The following TEAD1 variants were observed in gnomAD, a reference collection of about 807,000 sequenced individuals.
TEAD1 encodes transcriptional enhancer factor TEF-1.
In TEAD1, 9 loss-of-function variants were observed where a neutral mutation model predicts 54.9. The ratio of observed to expected loss-of-function variants is 0.16; its 90% CI spans 0.10 to 0.29. The LOEUF (loss-of-function observed/expected upper bound fraction) is 0.29, where lower values mean the gene tolerates loss of function less well. Ranked by LOEUF, TEAD1 falls within the 10% of genes least tolerant of loss-of-function variation. TEAD1 has a pLI of 1.00. For synonymous variants in TEAD1, 200 were observed against 187.8 expected (o/e 1.07, Z -0.53); for missense variants, 387 against 535.9 (o/e 0.72, Z 2.74).
At chr11:12,802,150 C>T (rs540024069) in intron 3 of TEAD1, among the ~76,000 whole-genome samples, 23 of 152,180 alleles carry the variant, frequency 1.5e-4, no homozygotes, top group African/African-American at 5.5e-4. Flanking sequence ...CCATTCAGAA[C>T]AGAGCATTTC....
intron 2 of TEAD1, among the ~76,000 whole-genome samples, chr11:12,747,934 G>A (rs954755134): frequency 6.6e-6 from 1 of 151,534 alleles, no homozygotes; most frequent in Admixed American, 6.6e-5. Flanking sequence ...TCTGCCATAT[G>A]GATTCTCCAG....
chr11:12,829,046 G>T (rs1011131716), intron 3 of TEAD1, among the ~76,000 whole-genome samples: 3 of 152,022 alleles, frequency 2.0e-5, no homozygotes, highest in Admixed American at 6.5e-5. Flanking sequence ...TGTGGTTTTA[G>T]CCCCCTCGCC....
intron 10 of TEAD1, among the ~76,000 whole-genome samples, chr11:12,918,107 T>C (rs1948746788): frequency 6.6e-6 from 1 of 152,152 alleles, no homozygotes; most frequent in Non-Finnish European, 1.5e-5. Context: ...CTACATGAAA[T>C]AGGTTTGCTT....
chr11:12,758,940 C>T (rs1945046378), intron 2 of TEAD1, among the ~76,000 whole-genome samples: 1 of 152,152 alleles, frequency 6.6e-6, no homozygotes, highest in Non-Finnish European at 1.5e-5. Context: ...GCTACAGGTG[C>T]TGTGTGGTCC....
chr11:12,835,676 C>T (rs372860399), intron 3 of TEAD1, among the ~76,000 whole-genome samples: 2 of 151,142 alleles, frequency 1.3e-5, no homozygotes, highest in African/African-American at 2.4e-5. Flanking sequence ...TTCTTTCTAA[C>T]ATATGGCTGG....
At chr11:12,737,100 A>T (rs2133887149) in intron 2 of TEAD1, among the ~76,000 whole-genome samples, 1 of 152,248 alleles carries the variant, frequency 6.6e-6, no homozygotes, top group Admixed American at 6.5e-5. Flanking sequence ...TTACTTTGAG[A>T]GCTATCTAAA....
chr11:12,788,802 A>G lies in TEAD1; in HGVS notation c.202+24368A>G, dbSNP rs114106445. ...TGTGCTAAAATGCATCTATATGTGT[A>G]TAATTTAAAAGGCAGGCATTTCAGT... On this transcript the variant is annotated intron_variant, in intron 3 of 12. Transcript: ENST00000527636. 3.9e-3 allele frequency among the ~76,000 whole-genome samples: 591 copies of G among 152,390 alleles called. 5 individuals are homozygous for G. The highest frequency in any genetic ancestry group is 0.014 in the Middle Eastern group (4 of 294).
At position 12,809,974 on chromosome 11, in the gene TEAD1, C is replaced by CTTTTT. The variant is rs55647097; in HGVS notation, c.202+45560_202+45564dup. 2.7e-3 allele frequency among the ~76,000 whole-genome samples: 309 copies of CTTTTT among 115,554 alleles called. 3 individuals carry two copies. The highest frequency in any genetic ancestry group is 3.3e-3 in the African/African-American group (90 of 27,046). 75.8% of individuals were successfully genotyped at this position (115,554 alleles called of 152,430 possible). A position where few individuals can be genotyped will look rare whatever the true frequency, so the allele number is the denominator to read the frequency against. On this transcript the variant is annotated intron_variant, in intron 3 of 12. Coordinates refer to ENST00000527636, the MANE Select transcript of TEAD1 (RefSeq NM_021961.6). ...AAAGAAAGAAAACTCTTTCCCCATTCTTTTTTTTTTTTTTTTTTTTTTTTG... is the reference window on the plus strand; with the variant it reads ...AAAGAAAGAAAACTCTTTCCCCATTCTTTTTTTTTTTTTTTTTTTTTTTTTTTTTG...
At chr11:12,895,205 C>T (rs183639307) in intron 9 of TEAD1, among the ~76,000 whole-genome samples, 20 of 152,120 alleles carry the variant, frequency 1.3e-4, no homozygotes, top group Non-Finnish European at 2.1e-4. Context: ...ATTAACCCCC[C>T]CCGGGTATCT....
At chr11:12,828,983 A>T (rs1946715833) in intron 3 of TEAD1, among the ~76,000 whole-genome samples, 1 of 151,920 alleles carries the variant, frequency 6.6e-6, no homozygotes, top group Non-Finnish European at 1.5e-5. Context: ...TTTTGTGAGG[A>T]TTTTTAAATA....
chr11:12,862,200 GGTTTGGT>G, intron 3 of TEAD1, 43 bp from the exon 4 acceptor site: 1 of 1,484,830 alleles, frequency 6.7e-7, no homozygotes, highest in South Asian at 1.1e-5. Context: ...GGGCTTTGTT[GGTTTGGT>G]GTTTTGGTAA....
intron 4 of TEAD1, among the ~76,000 whole-genome samples, chr11:12,862,953 C>G (rs1356694582): frequency 6.6e-6 from 1 of 151,860 alleles, no homozygotes; most frequent in Non-Finnish European, 1.5e-5. Flanking sequence ...CAGCCCAAAT[C>G]TCTGACATGA....
chr11:12,679,561 A>G (rs1943172521), intron 2 of TEAD1, among the ~76,000 whole-genome samples: 1 of 152,220 alleles, frequency 6.6e-6, no homozygotes, highest in South Asian at 2.1e-4. Context: ...ACTGCTGCTA[A>G]TGGTGGGAAA....
chr11:12,906,520 C>T (rs1034001327), intron 10 of TEAD1, among the ~76,000 whole-genome samples: 13 of 140,322 alleles, frequency 9.3e-5, no homozygotes, highest in Non-Finnish European at 1.8e-4. Context: ...CTAGCCTGGG[C>T]GACAGAGTGA....
At chr11:12,828,762 G>GC (rs1175263023) in intron 3 of TEAD1, among the ~76,000 whole-genome samples, 1 of 147,192 alleles carries the variant, frequency 6.8e-6, no homozygotes, top group Non-Finnish European at 1.5e-5. Context: ...ACTGGCGTCA[G>GC]CATGGAGTCC....
chr11:12,854,612 G>A (rs1947335288), intron 3 of TEAD1, among the ~76,000 whole-genome samples: 1 of 151,942 alleles, frequency 6.6e-6, no homozygotes, highest in Non-Finnish European at 1.5e-5. Context: ...TCTTTTTTTA[G>A]ACAGGGTCTC....
intron 3 of TEAD1, among the ~76,000 whole-genome samples, chr11:12,809,716 C>A (rs1382812273): frequency 6.6e-6 from 1 of 152,186 alleles, no homozygotes; most frequent in Non-Finnish European, 1.5e-5. Flanking sequence ...TCCTGTGCTT[C>A]ACCACTGGGG....
intron 2 of TEAD1, among the ~76,000 whole-genome samples, chr11:12,717,942 G>A (rs1304255244): frequency 2.6e-5 from 4 of 152,216 alleles, no homozygotes; most frequent in South Asian, 2.1e-4. Flanking sequence ...TGTTGTAAGA[G>A]TGAAATGAGT....
At chr11:12,825,731 G>T (rs1946639211) in intron 3 of TEAD1, among the ~76,000 whole-genome samples, 1 of 152,146 alleles carries the variant, frequency 6.6e-6, no homozygotes, top group Non-Finnish European at 1.5e-5. Flanking sequence ...AAGATTAGGG[G>T]TCTTATATTT....
Sources: gnomAD v4.1 joint callset for allele counts (sites outside exome capture counted in the v4.1 genomes callset) on GRCh38, gnomAD v4.1.1 for gene constraint, MANE v1.5 for transcripts, NCBI Gene and HGNC (gene_info 2026-07-23, HGNC 2026-07-21) for gene names.